Variants in SMPX observed in about 807,000 individuals in gnomAD.
SMPX encodes the protein small muscle protein X-linked.
SMPX carries 2 observed loss-of-function variants against 6.3 expected under a neutral mutation model. That is an observed-to-expected ratio of 0.32 (90% confidence interval 0.13 to 0.99). The LOEUF (loss-of-function observed/expected upper bound fraction) is 0.99. SMPX is among the 50% of genes least tolerant of loss of function. The probability of loss-of-function intolerance (pLI) is 0.49; values close to 1 mark genes in which losing one functional copy is unlikely to be tolerated. For missense variants in SMPX, 60 were observed against 66.8 expected, an observed-to-expected ratio of 0.90 and a Z score of 0.36; for synonymous variants, 32 against 24.7, an observed-to-expected ratio of 1.30 and a Z score of -0.88.
intron 2 of SMPX, among the ~76,000 whole-genome samples, chrX:21,751,942 A>G (rs1365568783): frequency 8.9e-6 from 1 of 112,457 alleles, no homozygotes; most frequent in African/African-American, 3.2e-5. Flanking sequence ...AGGTTAATGC[A>G]AAGATAATAC....
chrX:21,726,112 AG>A (rs992565480), intron 4 of SMPX, among the ~76,000 whole-genome samples: 1 of 111,978 alleles, frequency 8.9e-6, no homozygotes, highest in African/African-American at 3.3e-5. Flanking sequence ...CAGAGTGGTC[AG>A]GAAGTTGCCC....
chrX:21,723,069 G>A (rs142892993), intron 4 of SMPX, among the ~76,000 whole-genome samples: 3 of 111,628 alleles, frequency 2.7e-5, no homozygotes, highest in East Asian at 5.6e-4. Flanking sequence ...GATAGTTGGG[G>A]GACTTCTGAA....
At chrX:21,750,195 C>A (rs1225285398) in intron 2 of SMPX, among the ~76,000 whole-genome samples, 1 of 111,582 alleles carries the variant, frequency 9.0e-6, no homozygotes, top group Non-Finnish European at 1.9e-5. Flanking sequence ...GCAGTTCTAG[C>A]TTTCCCCACC....
intron 4 of SMPX, among the ~76,000 whole-genome samples, chrX:21,729,136 A>G (rs2092800611): frequency 8.9e-6 from 1 of 112,954 alleles, no homozygotes; most frequent in African/African-American, 3.2e-5. Context: ...GGCAATTGAC[A>G]AGAATCATAT....
chrX:21,715,756 G>A lies in SMPX; in HGVS notation c.*15-9362C>T, dbSNP rs934742591. The stretch of plus-strand genomic sequence containing the variant: ...GCCCCCCACCCCGTGGTGGGCATTT[G>A]GCACTATGTGAAGACATTTTTTGGT... On this transcript the variant is annotated intron_variant, in intron 4 of 4. Coordinates refer to ENST00000379494, the MANE Select transcript of SMPX (RefSeq NM_014332.3). Among the ~76,000 whole-genome samples the A allele has an allele frequency of 3.6e-5, 4 of 111,018 alleles. No homozygotes were observed. In the Admixed American group the frequency reaches 3.8e-4, roughly 11 times the overall value.
At chrX:21,741,613 C>T (rs1307681353) in intron 3 of SMPX, among the ~76,000 whole-genome samples, 1 of 111,005 alleles carries the variant, frequency 9.0e-6, no homozygotes, top group African/African-American at 3.3e-5. Context: ...CATTAGATCC[C>T]ACTCCCTCCC....
intron 4 of SMPX, among the ~76,000 whole-genome samples, chrX:21,715,262 CTGTGTGTGTGTGTGTG>C (rs34947234): frequency 9.5e-5 from 9 of 94,614 alleles, no homozygotes; most frequent in African/African-American, 1.6e-4. Flanking sequence ...TCACTCTGCT[CTGTGTGTGTGTGTGTG>C]TGTGTGTGTG....
chrX:21,727,931 G>A (rs1351341591), intron 4 of SMPX, among the ~76,000 whole-genome samples: 1 of 112,353 alleles, frequency 8.9e-6, no homozygotes, highest in African/African-American at 3.2e-5. Flanking sequence ...TAGACAGCCT[G>A]GAATTCACTT....
At chrX:21,754,225 A>C in intron 2 of SMPX, 21 bp downstream of exon 2, 1 of 1,198,267 alleles carries the variant, frequency 8.3e-7, no homozygotes, top group Non-Finnish European at 1.1e-6. Context: ...CAACCAGGCA[A>C]GAAGTTGCAG....
chrX:21,751,106 AC>A (rs2092827053), intron 2 of SMPX, among the ~76,000 whole-genome samples: 1 of 112,203 alleles, frequency 8.9e-6, no homozygotes, highest in African/African-American at 3.2e-5. Context: ...AGCCAGACAA[AC>A]TAGAAATCTA....
intron 4 of SMPX, among the ~76,000 whole-genome samples, chrX:21,721,154 A>C (rs763388620): frequency 8.9e-6 from 1 of 112,099 alleles, no homozygotes; most frequent in Non-Finnish European, 1.9e-5. Flanking sequence ...GGTTGGACTA[A>C]GTGACATTGA....
chrX:21,757,732 A>T (rs930340174), intron 1 of SMPX, among the ~76,000 whole-genome samples: 3 of 111,318 alleles, frequency 2.7e-5, no homozygotes, highest in African/African-American at 9.8e-5. Flanking sequence ...ACTGCCTTTC[A>T]GTATTTGCCT....
At chrX:21,712,227 C>T (rs12012234) in intron 4 of SMPX, among the ~76,000 whole-genome samples, 6,212 of 112,015 alleles carry the variant, frequency 0.055, 424 homozygotes, top group African/African-American at 0.19. Flanking sequence ...CCAAAGTTGC[C>T]TTTGCAACTC....
At chrX:21,743,060 C>T (rs1348028900) in intron 3 of SMPX, among the ~76,000 whole-genome samples, 1 of 111,662 alleles carries the variant, frequency 9.0e-6, no homozygotes, top group Non-Finnish European at 1.9e-5. Context: ...CTATTTATGG[C>T]ATTCATTATT....
intron 4 of SMPX, among the ~76,000 whole-genome samples, chrX:21,735,358 T>TA (rs2092809392): frequency 8.9e-6 from 1 of 112,414 alleles, no homozygotes; most frequent in Non-Finnish European, 1.9e-5. Flanking sequence ...CCTGACAACT[T>TA]AGATTTTCAC....
chrX:21,710,047 T>A (rs1213002451), intron 4 of SMPX, among the ~76,000 whole-genome samples: 1 of 111,917 alleles, frequency 8.9e-6, no homozygotes, highest in African/African-American at 3.3e-5. Flanking sequence ...TAGGTGAAAT[T>A]ATGGCTATAC....
At chrX:21,749,471 G>A (rs1290462292) in intron 2 of SMPX, among the ~76,000 whole-genome samples, 2 of 111,811 alleles carry the variant, frequency 1.8e-5, no homozygotes, top group African/African-American at 3.3e-5. Flanking sequence ...AGTAGCCTTG[G>A]TGCTTATGAT....
At chrX:21,731,578 A>ATATATACACAT (rs2092804397) in intron 4 of SMPX, among the ~76,000 whole-genome samples, 1 of 91,906 alleles carries the variant, frequency 1.1e-5, no homozygotes, top group Admixed American at 1.1e-4. Context: ...GTATATGTGT[A>ATATATACACAT]TATGTGTATA....
chrX:21,731,593 C>T (rs2092804449), intron 4 of SMPX, among the ~76,000 whole-genome samples: 1 of 92,585 alleles, frequency 1.1e-5, no homozygotes, highest in African/African-American at 3.8e-5. Context: ...TGTATATGTA[C>T]ACATTAATGT....
Sources: gnomAD v4.1 joint callset for allele counts (sites outside exome capture counted in the v4.1 genomes callset) on GRCh38, gnomAD v4.1.1 for gene constraint, MANE v1.5 for transcripts, NCBI Gene and HGNC (gene_info 2026-07-23, HGNC 2026-07-21) for gene names.